The following SEL1L3 variants were observed in gnomAD, a reference collection of about 807,000 sequenced individuals.
SEL1L3 encodes SEL1L family member 3, also known as protein sel-1 homolog 3.
Under a neutral mutation model 142.8 loss-of-function variants are expected in SEL1L3, and 76 were observed. The ratio of observed to expected loss-of-function variants is 0.53; its 90% CI spans 0.44 to 0.64. The LOEUF (loss-of-function observed/expected upper bound fraction) is 0.64. Among genes scored for constraint, SEL1L3 ranks in the 30% least tolerant of loss-of-function variants. The pLI is 0.00. For missense variants in SEL1L3, 1,262 were observed against 1,381.7 expected, an observed-to-expected ratio of 0.91 and a Z score of 1.37; for synonymous variants, 504 against 519.6, an observed-to-expected ratio of 0.97 and a Z score of 0.41.
intron 5 of SEL1L3, among the ~76,000 whole-genome samples, chr4:25,831,221 C>T (rs1213253191): frequency 6.6e-6 from 1 of 152,148 alleles, no homozygotes; most frequent in African/African-American, 2.4e-5. Context: ...GATGTCTAAA[C>T]TCCCTGATAT....
At chr4:25,799,005 G>C (rs914405147) in intron 11 of SEL1L3, among the ~76,000 whole-genome samples, 2 of 152,074 alleles carry the variant, frequency 1.3e-5, no homozygotes, top group Non-Finnish European at 2.9e-5. Context: ...CCCCCTCCTT[G>C]GCTTGCAGAT....
intron 6 of SEL1L3, among the ~76,000 whole-genome samples, chr4:25,828,357 C>A (rs1017499116): frequency 6.6e-6 from 1 of 151,292 alleles, no homozygotes; most frequent in Non-Finnish European, 1.5e-5. Context: ...TGGAGCAAAG[C>A]CCAAGATTCT....
chr4:25,716,695 G>A, the SEL1L3 span, among the ~76,000 whole-genome samples: 3 of 152,148 alleles, frequency 2.0e-5, no homozygotes, highest in Non-Finnish European at 4.4e-5. Flanking sequence ...AAACACGTAA[G>A]CTGGAGTTGA....
chr4:25,736,665 T>C, the SEL1L3 span, among the ~76,000 whole-genome samples: 1 of 152,324 alleles, frequency 6.6e-6, no homozygotes, highest in East Asian at 1.9e-4. Flanking sequence ...TTAGTTAAGT[T>C]AAGGATGTCA....
At chr4:25,755,376 T>C (rs1295160028) in intron 23 of SEL1L3, among the ~76,000 whole-genome samples, 1 of 152,132 alleles carries the variant, frequency 6.6e-6, no homozygotes, top group African/African-American at 2.4e-5. Context: ...ATGTTGGAAT[T>C]ATAGCAGTAA....
intron 3 of SEL1L3, among the ~76,000 whole-genome samples, chr4:25,834,147 TTAATC>T (rs1247289538): frequency 1.3e-5 from 2 of 152,164 alleles, no homozygotes; most frequent in African/African-American, 4.8e-5. Flanking sequence ...TACGGAACAA[TTAATC>T]TAATTATCCC....
At chr4:25,734,150 A>G in the SEL1L3 span, among the ~76,000 whole-genome samples, 2 of 152,074 alleles carry the variant, frequency 1.3e-5, no homozygotes, top group Non-Finnish European at 2.9e-5. Flanking sequence ...CAGCCTCCAG[A>G]GTAGCTGGGA....
intron 1 of SEL1L3, among the ~76,000 whole-genome samples, chr4:25,852,095 A>G (rs773496139): frequency 7.2e-5 from 11 of 152,172 alleles, no homozygotes; most frequent in Non-Finnish European, 1.2e-4. Context: ...ATGCTGCCAG[A>G]TTACAGGGAG....
intron 2 of SEL1L3, among the ~76,000 whole-genome samples, chr4:25,841,326 A>G (rs1716152869): frequency 6.6e-6 from 1 of 152,088 alleles, no homozygotes; most frequent in Non-Finnish European, 1.5e-5. Context: ...GAGCCACTGC[A>G]CCCAGCCCCT....
At chr4:25,751,418 A>AT (rs1187245692) in intron 23 of SEL1L3, among the ~76,000 whole-genome samples, 3 of 152,066 alleles carry the variant, frequency 2.0e-5, no homozygotes, top group Non-Finnish European at 4.4e-5. Context: ...GTGACCCAGA[A>AT]GCTGCAAAGC....
chr4:25,856,290 G>C (rs1014942193), intron 1 of SEL1L3, among the ~76,000 whole-genome samples: 1 of 152,156 alleles, frequency 6.6e-6, no homozygotes, highest in African/African-American at 2.4e-5. Context: ...CCAGCTTTGT[G>C]GAGATAATGC....
the SEL1L3 span, among the ~76,000 whole-genome samples, chr4:25,714,500 T>TTTTCTTTCTTTCTTTCTTTCTTTC: frequency 1.7e-4 from 18 of 109,008 alleles, no homozygotes; most frequent in Admixed American, 3.7e-4. Context: ...CTTTCTTTCT[T>TTTTCTTTCTTTCTTTCTTTCTTTC]TTTCTTTCTT....
chr4:25,767,695 C>G (rs372027939), intron 18 of SEL1L3, 45 bp downstream of exon 18: 222 of 1,481,726 alleles, frequency 1.5e-4, no homozygotes, highest in Non-Finnish European at 2.0e-4. Context: ...AATTCATTAT[C>G]CTTAACCTCA....
At chr4:25,854,601 T>C (rs1374195143) in intron 1 of SEL1L3, among the ~76,000 whole-genome samples, 5 of 152,122 alleles carry the variant, frequency 3.3e-5, no homozygotes, top group East Asian at 1.9e-4. Flanking sequence ...TTATCCCAGA[T>C]AGAGTTTTGA....
At chr4:25,839,719 G>A (rs1045082110) in intron 2 of SEL1L3, among the ~76,000 whole-genome samples, 18 of 152,088 alleles carry the variant, frequency 1.2e-4, no homozygotes, top group African/African-American at 4.3e-4. Flanking sequence ...GAGGGGGAGG[G>A]GTGTGGAAAC....
At chr4:25,843,129 G>A (rs60195327) in intron 2 of SEL1L3, among the ~76,000 whole-genome samples, 3,381 of 152,234 alleles carry the variant, frequency 0.022, 115 homozygotes, top group African/African-American at 0.076. Flanking sequence ...AAGGGTGTGC[G>A]TGGTGGGACA....
At chr4:25,755,910 C>T in intron 23 of SEL1L3, 2 of 985,180 alleles carry the variant, frequency 2.0e-6, no homozygotes, top group Non-Finnish European at 2.4e-6. Flanking sequence ...AATGACTATA[C>T]CTGGCAACAA....
intron 5 of SEL1L3, among the ~76,000 whole-genome samples, chr4:25,831,510 A>ATTATTATT (rs1560340042): frequency 8.2e-6 from 1 of 122,600 alleles, no homozygotes; most frequent in Non-Finnish European, 1.9e-5. Context: ...TAATAATAAT[A>ATTATTATT]ATTATTATTA....
intron 1 of SEL1L3, among the ~76,000 whole-genome samples, chr4:25,849,124 G>A (rs1367577855): frequency 6.6e-6 from 1 of 152,156 alleles, no homozygotes; most frequent in East Asian, 1.9e-4. Flanking sequence ...GGGCAACAGA[G>A]TGAGACTCCA....
Sources: gnomAD v4.1 joint callset for allele counts (sites outside exome capture counted in the v4.1 genomes callset) on GRCh38, gnomAD v4.1.1 for gene constraint, MANE v1.5 for transcripts, NCBI Gene and HGNC (gene_info 2026-07-23, HGNC 2026-07-21) for gene names.